TGFBR1: variants seen among roughly 807,000 people sequenced by gnomAD.
The protein encoded by TGFBR1 is TGF-beta receptor type-1.
A neutral mutation model predicts 55.1 loss-of-function variants in TGFBR1; 20 were observed. That is an observed-to-expected ratio of 0.36 (90% CI 0.26 to 0.53). The LOEUF is 0.53. Among genes scored for constraint, TGFBR1 ranks in the 20% least tolerant of loss-of-function variants. The pLI, the probability that TGFBR1 is intolerant of heterozygous loss-of-function variation, is 0.91. For synonymous variants in TGFBR1, 220 were observed against 214.8 expected (o/e 1.02, Z -0.21); for missense variants, 385 against 617.6 (o/e 0.62, Z 3.99).
upstream of TGFBR1, among the ~76,000 whole-genome samples, chr9:99,104,765 C>T (rs1463924384): frequency 6.6e-6 from 1 of 152,102 alleles, no homozygotes; most frequent in Non-Finnish European, 1.5e-5. Flanking sequence ...CAGCCTTTTT[C>T]CGAAAGAGAC....
chr9:99,123,070 C>G (rs543784867), intron 1 of TGFBR1, among the ~76,000 whole-genome samples: 4 of 152,160 alleles, frequency 2.6e-5, no homozygotes, highest in African/African-American at 9.6e-5. Context: ...CCCAAGATGT[C>G]TCATTATGTA....
chr9:99,138,898 A>G (rs903076138), intron 4 of TGFBR1, among the ~76,000 whole-genome samples: 12 of 152,040 alleles, frequency 7.9e-5, no homozygotes, highest in African/African-American at 2.4e-4. Context: ...CCTGGGTTCA[A>G]GTGGTTCTCC....
At chr9:99,117,698 C>A (rs953820804) in intron 1 of TGFBR1, among the ~76,000 whole-genome samples, 6 of 152,150 alleles carry the variant, frequency 3.9e-5, no homozygotes, top group African/African-American at 1.4e-4. Context: ...GTTCTGTTTG[C>A]CCATTTGTCC....
intron 6 of TGFBR1, chr9:99,145,701 G>A (rs1015824091): frequency 3.9e-5 from 6 of 152,364 alleles, no homozygotes; most frequent in Non-Finnish European, 7.3e-5. Flanking sequence ...ATGATAAGCC[G>A]AAGAGCTGAG....
Position 99,152,923 on chromosome 9 carries a change from A to G in TGFBR1, c.*3618A>G, listed in dbSNP as rs1426531107. 3 of 230,356 alleles carry G rather than the reference A, an allele frequency of 1.3e-5. No homozygotes were observed. Among genetic ancestry groups the G allele is most frequent in the Non-Finnish European group, 2.6e-5 (3 of 116,028 alleles). 14.3% of individuals were successfully genotyped at this position (230,356 alleles called of 1,614,324 possible). ...TCAGTACATTAAACTTTTCAATCCC[A>G]TTATGCAATCTTGTTTGTAAATGTA... On this transcript the variant is annotated 3_prime_UTR_variant, in exon 9 of 9. Coordinates refer to ENST00000374994, the MANE Select transcript of TGFBR1 (RefSeq NM_004612.4).
chr9:99,146,105 C>T, intron 6 of TGFBR1: 4 of 289,972 alleles, frequency 1.4e-5, no homozygotes, highest in South Asian at 3.3e-5. Flanking sequence ...TATTTTTTTC[C>T]CTGGAGTATA....
At chr9:99,127,346 G>A (rs1827070912) in intron 1 of TGFBR1, among the ~76,000 whole-genome samples, 1 of 152,188 alleles carries the variant, frequency 6.6e-6, no homozygotes, top group Non-Finnish European at 1.5e-5. Context: ...TGCAGCATCT[G>A]CATGACAGGC....
intron 3 of TGFBR1, among the ~76,000 whole-genome samples, chr9:99,136,029 ATATT>A (rs1554700306): frequency 1.3e-5 from 2 of 151,678 alleles, no homozygotes; most frequent in Non-Finnish European, 2.9e-5. Context: ...TAATTTTTGT[ATATT>A]TATTAGAGAC....
intron 1 of TGFBR1, among the ~76,000 whole-genome samples, chr9:99,108,532 A>C (rs1159246679): frequency 6.6e-6 from 1 of 152,218 alleles, no homozygotes; most frequent in African/African-American, 2.4e-5. Context: ...GGAAATGATT[A>C]GTGTAAGCTG....
At chr9:99,120,074 T>G (rs1448100199) in intron 1 of TGFBR1, among the ~76,000 whole-genome samples, 3 of 152,234 alleles carry the variant, frequency 2.0e-5, no homozygotes, top group African/African-American at 7.2e-5. Flanking sequence ...TGTTATTTCA[T>G]TAACCCTCAA....
chr9:99,123,677 GT>G (rs1245832826), intron 1 of TGFBR1, among the ~76,000 whole-genome samples: 1 of 152,078 alleles, frequency 6.6e-6, no homozygotes, highest in Admixed American at 6.6e-5. Context: ...CTTTTCTTAA[GT>G]TTTGGTTTCT....
At chr9:99,139,431 G>A (rs1027343458) in intron 4 of TGFBR1, among the ~76,000 whole-genome samples, 1 of 151,702 alleles carries the variant, frequency 6.6e-6, no homozygotes, top group African/African-American at 2.4e-5. Context: ...ACTTTTATTT[G>A]TAGAAAATTT....
intron 8 of TGFBR1, among the ~76,000 whole-genome samples, chr9:99,148,965 A>G (rs1216069556): frequency 6.6e-6 from 1 of 152,218 alleles, no homozygotes; most frequent in Non-Finnish European, 1.5e-5. Context: ...GGTTTGCTAA[A>G]TGAGTCACTC....
At chr9:99,105,343 G>C in intron 1 of TGFBR1, 41 bp downstream of exon 1, 1 of 979,978 alleles carries the variant, frequency 1.0e-6, no homozygotes, top group Non-Finnish European at 1.2e-6. Context: ...CGGGGCGCGC[G>C]GGCCGGACCC....
rs2118575478 is a variant in TGFBR1 at position 99,129,077 on chromosome 9, A to G, written c.320A>G (p.Asn107Ser). The change falls in exon 2 of 9, where the codon AAT becomes AGT. Residue 107 changes from asparagine (N) to serine (S), a missense_variant. By Grantham distance (46) the Asn-to-Ser change is conservative. Coordinates refer to ENST00000374994, the MANE Select transcript of TGFBR1 (RefSeq NM_004612.4). ...TTYCCNQDHCNKIELPTTVKS... is the reference protein window; with the variant it reads ...TTYCCNQDHCSKIELPTTVKS... ...TATTGCTGCAATCAGGACCATTGCA[A>G]TAAAATAGAACTTCCAACTACTGGT... 6.2e-7 allele frequency: 1 copy of G among 1,613,972 alleles called. No homozygotes were observed. Among genetic ancestry groups the G allele is most frequent in the South Asian group, 1.1e-5 (1 of 91,086 alleles).
Position 99,145,369 on chromosome 9 carries a change from T to G in TGFBR1, c.1130+481T>G, listed in dbSNP as rs1441031638. On this transcript the variant is annotated intron_variant, in intron 6 of 8. Transcript: ENST00000374994. Reference sequence around the variant, plus strand: ...TCATACCCACCTTTCCCGTAGGAAGTTTTTTCTAGTCCTCAAAAATCTTAG... The same window carrying G: ...TCATACCCACCTTTCCCGTAGGAAGGTTTTTCTAGTCCTCAAAAATCTTAG... 2.0e-5 allele frequency among the ~76,000 whole-genome samples: 3 copies of G among 152,084 alleles called. No homozygotes were observed. In the South Asian group the frequency reaches 6.2e-4, roughly 32 times the overall value.
At chr9:99,104,844 A>C (rs1402755806), upstream of TGFBR1, among the ~76,000 whole-genome samples, 1 of 152,024 alleles carries the variant, frequency 6.6e-6, no homozygotes, top group African/African-American at 2.4e-5. Context: ...TGGGGCTGGC[A>C]GACCCCGCCC....
chr9:99,125,663 G>A (rs1827020604), intron 1 of TGFBR1, among the ~76,000 whole-genome samples: 1 of 152,074 alleles, frequency 6.6e-6, no homozygotes, highest in South Asian at 2.1e-4. Context: ...AAGGACATTT[G>A]GCCTGAAGGG....
chr9:99,113,953 G>A (rs181256177), intron 1 of TGFBR1, among the ~76,000 whole-genome samples: 17 of 152,206 alleles, frequency 1.1e-4, no homozygotes, highest in African/African-American at 3.1e-4. Context: ...GTAGGAGGTC[G>A]GACTTGTTTA....
Sources: allele counts gnomAD v4.1 joint callset (sites outside exome capture counted in the v4.1 genomes callset), GRCh38; gene constraint gnomAD v4.1.1; transcripts MANE v1.5; gene names NCBI Gene and HGNC (gene_info 2026-07-23, HGNC 2026-07-21).